The following MBD5 variants were observed in gnomAD, a reference collection of about 807,000 sequenced individuals.
MBD5 encodes the protein methyl-CpG binding domain protein 5.
In MBD5, 13 loss-of-function variants were observed where a neutral mutation model predicts 117.3. The ratio of observed to expected loss-of-function variants is 0.11; its 90% CI spans 0.07 to 0.18. MBD5 has a LOEUF of 0.18. Ranked by LOEUF, MBD5 falls within the 10% of genes least tolerant of loss-of-function variation. The pLI is 1.00. For synonymous variants in MBD5, 727 were observed against 766.4 expected, an observed-to-expected ratio of 0.95 and a Z score of 0.85; for missense variants, 1,879 against 2,093.8, an observed-to-expected ratio of 0.90 and a Z score of 2.00.
intron 4 of MBD5, among the ~76,000 whole-genome samples, chr2:148,445,047 C>T (rs1454336543): frequency 6.6e-6 from 1 of 151,222 alleles, no homozygotes; most frequent in African/African-American, 2.5e-5. Context: ...TGAGAAATAG[C>T]ACCACCCAAG....
In MBD5 at chr2:148,469,016, T is replaced by C. The variant is rs1680693208; in HGVS notation, c.1073T>C (p.Leu358Pro). ...CCATTAACATCTGAGAAAGATCCAC[T>C]TGGCATTCTTGACCCTATTCCTAGT... ...KKPLTSEKDP[L>P]GILDPIPSKP... The change falls in exon 8 of 14, where the codon CTT becomes CCT. Residue 358 changes from leucine to proline, a missense_variant. Leu to Pro is a moderately conservative substitution (Grantham distance 98). Coordinates refer to ENST00000642680, the MANE Select transcript of MBD5 (RefSeq NM_001378120.1). 1 of 1,613,242 alleles carries C rather than the reference T, an allele frequency of 6.2e-7. No homozygotes were observed. Among genetic ancestry groups the C allele is most frequent in the Non-Finnish European group, 8.5e-7 (1 of 1,179,630 alleles).
intron 3 of MBD5, among the ~76,000 whole-genome samples, chr2:148,314,819 A>G (rs187503959): frequency 1.6e-4 from 25 of 152,272 alleles, no homozygotes; most frequent in African/African-American, 5.8e-4. Context: ...TAAAGTTTCA[A>G]GTTACCAAAA....
intron 4 of MBD5, among the ~76,000 whole-genome samples, chr2:148,360,789 A>G (rs1345606571): frequency 6.6e-6 from 1 of 152,192 alleles, no homozygotes; most frequent in Non-Finnish European, 1.5e-5. Context: ...AGTCTATATG[A>G]TCATTTTTCT....
intron 3 of MBD5, among the ~76,000 whole-genome samples, chr2:148,239,010 TA>T (rs201811429): frequency 2.5e-5 from 3 of 121,188 alleles, no homozygotes; most frequent in Admixed American, 1.6e-4. Context: ...TATATATATA[TA>T]TATTATATAC....
intron 1 of MBD5, among the ~76,000 whole-genome samples, chr2:148,046,069 C>T (rs1390855333): frequency 1.3e-5 from 2 of 150,504 alleles, no homozygotes; most frequent in East Asian, 2.0e-4. Context: ...CCACAACCTC[C>T]GCCTCCCAGG....
intron 4 of MBD5, among the ~76,000 whole-genome samples, chr2:148,407,870 A>C (rs970747506): frequency 1.3e-5 from 2 of 152,172 alleles, no homozygotes; most frequent in African/African-American, 4.8e-5. Context: ...CTTATATGTC[A>C]ACATCCGTTT....
At chr2:148,266,643 A>C (rs1700868416) in intron 3 of MBD5, among the ~76,000 whole-genome samples, 1 of 152,136 alleles carries the variant, frequency 6.6e-6, no homozygotes, top group Admixed American at 6.5e-5. Flanking sequence ...ATGTCTGCAA[A>C]TATGCTGGAC....
intron 3 of MBD5, among the ~76,000 whole-genome samples, chr2:148,308,298 A>G (rs1327022668): frequency 2.0e-5 from 3 of 152,116 alleles, no homozygotes; most frequent in Admixed American, 6.5e-5. Flanking sequence ...CCTCTGCAGC[A>G]TCCGTTGTTT....
chr2:148,416,199 G>T (rs1459613867), intron 4 of MBD5, among the ~76,000 whole-genome samples: 2 of 152,120 alleles, frequency 1.3e-5, no homozygotes, highest in Non-Finnish European at 2.9e-5. Flanking sequence ...CAGTTGATTG[G>T]CTTTGTTTCT....
intron 3 of MBD5, among the ~76,000 whole-genome samples, chr2:148,275,702 C>T (rs912130589): frequency 2.6e-5 from 4 of 152,018 alleles, no homozygotes; most frequent in East Asian, 1.9e-4. Flanking sequence ...GGTGTTTGAG[C>T]AAGGAACTGT....
At chr2:148,415,767 T>C (rs1356696700) in intron 4 of MBD5, among the ~76,000 whole-genome samples, 1 of 152,246 alleles carries the variant, frequency 6.6e-6, no homozygotes, top group Non-Finnish European at 1.5e-5. Flanking sequence ...TTAATACTTG[T>C]GCTGGTATTA....
chr2:148,138,363 C>T (rs951623711), intron 1 of MBD5, among the ~76,000 whole-genome samples: 13 of 152,086 alleles, frequency 8.5e-5, no homozygotes, highest in African/African-American at 3.1e-4. Flanking sequence ...GACAGCCTAG[C>T]CATAGATTTC....
intron 2 of MBD5, among the ~76,000 whole-genome samples, chr2:148,231,765 A>G (rs1699993118): frequency 6.6e-6 from 1 of 152,236 alleles, no homozygotes; most frequent in Non-Finnish European, 1.5e-5. Flanking sequence ...GAGATGTTGC[A>G]TAATTATAGT....
chr2:148,326,020 A>G (rs942995174), intron 3 of MBD5, among the ~76,000 whole-genome samples: 9 of 152,002 alleles, frequency 5.9e-5, no homozygotes, highest in Admixed American at 1.3e-4. Context: ...TGTCCCAGAG[A>G]TTCTGGTATG....
chr2:148,234,433 G>C (rs1379439920), intron 3 of MBD5, among the ~76,000 whole-genome samples: 2 of 152,126 alleles, frequency 1.3e-5, no homozygotes, highest in Non-Finnish European at 2.9e-5. Flanking sequence ...AGTAACTAGA[G>C]TCAAAATTAA....
intron 1 of MBD5, among the ~76,000 whole-genome samples, chr2:148,041,564 C>A (rs551951325): frequency 6.6e-6 from 1 of 152,240 alleles, no homozygotes; most frequent in East Asian, 1.9e-4. Flanking sequence ...GATGATCTTT[C>A]TCAGGAGAAA....
rs571213371 is a variant in MBD5 at position 148,029,603 on chromosome 2, T to A, written c.-925+7919T>A. Among the ~76,000 whole-genome samples, 11 of 152,304 alleles carry A rather than the reference T, an allele frequency of 7.2e-5. No homozygotes were observed. In the East Asian group the frequency reaches 1.9e-3, roughly 27 times the overall value. ...TAGAAGGGTTTTTTGTTTTTAAAAA[T>A]TATTTAGAATTCTTTGAAACCATTT... On this transcript the variant is annotated intron_variant, in intron 1 of 13. Coordinates refer to ENST00000642680, the MANE Select transcript of MBD5 (RefSeq NM_001378120.1).
At chr2:148,023,072 T>G (rs1054346832) in intron 1 of MBD5, among the ~76,000 whole-genome samples, 5 of 151,498 alleles carry the variant, frequency 3.3e-5, no homozygotes, top group East Asian at 1.9e-4. Context: ...TCGCTCGCTC[T>G]CTCTCCCTCA....
chr2:148,096,948 G>A (rs552354203), intron 1 of MBD5, among the ~76,000 whole-genome samples: 3 of 152,044 alleles, frequency 2.0e-5, no homozygotes, highest in Admixed American at 2.0e-4. Context: ...AAATATGGGG[G>A]AAGTTATTCA....
Sources: allele counts gnomAD v4.1 joint callset (sites outside exome capture counted in the v4.1 genomes callset), GRCh38; gene constraint gnomAD v4.1.1; transcripts MANE v1.5; gene names NCBI Gene and HGNC (gene_info 2026-07-23, HGNC 2026-07-21).